Variants in PHF24 observed in about 807,000 individuals in gnomAD.
PHF24 encodes the protein PHD finger protein 24.
A neutral mutation model predicts 42.6 loss-of-function variants in PHF24; 25 were observed. That is an observed-to-expected ratio of 0.59 (90% CI 0.43 to 0.82). The LOEUF is 0.82. PHF24 is among the 40% of genes least tolerant of loss of function. The pLI is 0.00. For missense variants in PHF24, 470 were observed against 538.1 expected (o/e 0.87, Z 1.25); for synonymous variants, 185 against 204.8 (o/e 0.90, Z 0.83).
chr9:34,944,304 A>C, the PHF24 span, among the ~76,000 whole-genome samples: 4 of 152,214 alleles, frequency 2.6e-5, no homozygotes, highest in Non-Finnish European at 5.9e-5. Flanking sequence ...CTCAAAATAC[A>C]ATCCCAGGTA....
At chr9:34,724,975 G>T in the PHF24 span, 1 of 1,551,868 alleles carries the variant, frequency 6.4e-7, no homozygotes, top group East Asian at 2.4e-5. Context: ...GGTGTTCAGT[G>T]ACAGTACCTG....
At chr9:34,918,155 G>T in the PHF24 span, 11 of 1,511,804 alleles carry the variant, frequency 7.3e-6, no homozygotes, top group Non-Finnish European at 1.0e-5. Flanking sequence ...GCATTCCCTG[G>T]ACTGTCGGCC....
At chr9:34,946,850 A>G in the PHF24 span, among the ~76,000 whole-genome samples, 1 of 152,228 alleles carries the variant, frequency 6.6e-6, no homozygotes, top group Admixed American at 6.5e-5. Context: ...ATCATCAGAA[A>G]TTTGTAATTA....
the PHF24 span, chr9:34,689,606 T>A: frequency 3.5e-6 from 2 of 578,352 alleles, no homozygotes; most frequent in East Asian, 5.6e-5. The surrounding 1 kb of genome is among the most constrained non-coding windows in gnomAD (Gnocchi z 4.1). Flanking sequence ...TTGGTAGCAT[T>A]GCAATCTGGG....
the PHF24 span, among the ~76,000 whole-genome samples, chr9:34,932,323 C>G: frequency 6.6e-6 from 1 of 152,294 alleles, no homozygotes; most frequent in African/African-American, 2.4e-5. Context: ...GAGATTCAAG[C>G]ATGGAAAAGG....
the PHF24 span, among the ~76,000 whole-genome samples, chr9:34,814,100 A>G: frequency 4.6e-5 from 7 of 152,260 alleles, no homozygotes; most frequent in South Asian, 4.2e-4. Context: ...TTCTTCCTTA[A>G]TAAGGAAACA....
chr9:34,923,797 T>G, the PHF24 span, among the ~76,000 whole-genome samples: 2 of 152,100 alleles, frequency 1.3e-5, no homozygotes, highest in African/African-American at 2.4e-5. Context: ...TTTTATATTG[T>G]TTTCATTTTT....
chr9:34,713,429 G>A, the PHF24 span, among the ~76,000 whole-genome samples: 1 of 152,144 alleles, frequency 6.6e-6, no homozygotes, highest in African/African-American at 2.4e-5. Context: ...TCCCCACTGT[G>A]TTGGTTGGTA....
At chr9:34,837,751 C>T in the PHF24 span, 21 of 1,216,850 alleles carry the variant, frequency 1.7e-5, no homozygotes, top group Non-Finnish European at 2.3e-5. Context: ...TTTTCTTTCT[C>T]ATGTCCAAAA....
At chr9:34,773,898 T>G in the PHF24 span, among the ~76,000 whole-genome samples, 1 of 152,148 alleles carries the variant, frequency 6.6e-6, no homozygotes, top group Non-Finnish European at 1.5e-5. Flanking sequence ...GGGTCCTGGA[T>G]GGGATCCAGG....
chr9:34,844,832 G>T, the PHF24 span, among the ~76,000 whole-genome samples: 1 of 152,090 alleles, frequency 6.6e-6, no homozygotes, highest in Non-Finnish European at 1.5e-5. Context: ...ATGTCTGTTA[G>T]GTCCATTTGG....
chr9:34,971,294 G>C lies in PHF24; in HGVS notation c.-4-1G>C. 6.3e-7 allele frequency: 1 copy of C among 1,588,222 alleles called. No homozygotes were observed. The highest frequency in any genetic ancestry group is 1.1e-5 in the South Asian group (1 of 88,408). ...TGTGCCCCTCTGCTTTTTGTCCACA[G>C]AGCCATGGGGGTGTTGATGTCCAAG... On this transcript the variant is annotated splice_acceptor_variant, in intron 1 of 7. Transcript: ENST00000242315. LOFTEE classifies it low-confidence loss of function (5UTR_SPLICE).
At chr9:34,792,077 T>C in the PHF24 span, among the ~76,000 whole-genome samples, 8,249 of 152,280 alleles carry the variant, frequency 0.054, 737 homozygotes, top group African/African-American at 0.19. Context: ...GAGATTAAGA[T>C]GATGAGGAGA....
At chr9:34,831,546 C>T in the PHF24 span, among the ~76,000 whole-genome samples, 2 of 152,136 alleles carry the variant, frequency 1.3e-5, no homozygotes, top group Admixed American at 1.3e-4. Context: ...CAGAACTAAG[C>T]TCAGTGATCC....
At chr9:34,818,141 A>G in the PHF24 span, among the ~76,000 whole-genome samples, 1 of 152,182 alleles carries the variant, frequency 6.6e-6, no homozygotes, top group Non-Finnish European at 1.5e-5. Flanking sequence ...TAGGGGCACT[A>G]TTTGTTCCTT....
chr9:34,706,504 G>A, the PHF24 span, among the ~76,000 whole-genome samples: 1 of 152,290 alleles, frequency 6.6e-6, no homozygotes, highest in East Asian at 1.9e-4. Context: ...TGTGTATTAT[G>A]TGATATTTTT....
chr9:34,876,945 A>G, the PHF24 span, among the ~76,000 whole-genome samples: 1 of 152,190 alleles, frequency 6.6e-6, no homozygotes, highest in African/African-American at 2.4e-5. Flanking sequence ...AAAATGTGGT[A>G]TATACATACA....
the PHF24 span, chr9:34,691,329 T>C: frequency 1.9e-6 from 1 of 522,420 alleles, no homozygotes; most frequent in South Asian, 2.6e-5. Flanking sequence ...TTTCTCTGCC[T>C]GAAATTCCCC....
chr9:34,904,776 G>A, the PHF24 span, among the ~76,000 whole-genome samples: 1 of 4,012 alleles, frequency 2.5e-4, no homozygotes, highest in Non-Finnish European at 1.0e-3. Flanking sequence ...TCTCTGTCTT[G>A]TGGAATAGTG....
Sources: gnomAD v4.1 joint callset for allele counts (sites outside exome capture counted in the v4.1 genomes callset) on GRCh38, gnomAD v4.1.1 for gene constraint, Gnocchi (gnomAD v3.1) non-coding constraint, MANE v1.5 for transcripts, NCBI Gene and HGNC (gene_info 2026-07-23, HGNC 2026-07-21) for gene names.